PIP5K1B: variants seen among roughly 807,000 people sequenced by gnomAD.
The protein encoded by PIP5K1B is phosphatidylinositol 4-phosphate 5-kinase type-1 beta.
A neutral mutation model predicts 67.0 loss-of-function variants in PIP5K1B; 42 were observed. The observed-to-expected ratio is 0.63, with a 90% CI of 0.49 to 0.81. The LOEUF is 0.81. Ranked by LOEUF, PIP5K1B falls within the 30% of genes least tolerant of loss-of-function variation. The pLI is 0.00. For missense variants in PIP5K1B, 459 were observed against 646.3 expected, an observed-to-expected ratio of 0.71 and a Z score of 3.14; for synonymous variants, 214 against 231.4, an observed-to-expected ratio of 0.92 and a Z score of 0.68.
intron 2 of PIP5K1B, among the ~76,000 whole-genome samples, chr9:68,769,390 T>A (rs1830576761): frequency 6.6e-6 from 1 of 152,202 alleles, no homozygotes; most frequent in African/African-American, 2.4e-5. Context: ...ATATTCTACA[T>A]CTGATGGTCA....
At chr9:68,748,025 A>C (rs13299226) in intron 2 of PIP5K1B, among the ~76,000 whole-genome samples, 77,149 of 151,984 alleles carry the variant, frequency 0.51, 20,837 homozygotes, top group Middle Eastern at 0.63. Context: ...CCCCATCCTC[A>C]CTAAGCAGTC....
At position 68,748,401 on chromosome 9, in the gene PIP5K1B, T is replaced by A. The variant is rs534305407; in HGVS notation, c.-86+5744T>A. 1.2e-4 allele frequency among the ~76,000 whole-genome samples: 18 copies of A among 152,256 alleles called. No individual in the cohort carries two copies. The South Asian group carries it at 3.5e-3, about 30-fold the overall frequency. ...ACAAATGCTAAAGAAGCATGTGTAG[T>A]TATAGCTGTAATTTGCTGCATTTTA... is the stretch of plus-strand genomic sequence containing the variant. On this transcript the variant is annotated intron_variant, in intron 2 of 15. Transcript: ENST00000265382.
intron 2 of PIP5K1B, among the ~76,000 whole-genome samples, chr9:68,790,378 A>G (rs1183250998): frequency 6.6e-6 from 1 of 152,364 alleles, no homozygotes; most frequent in African/African-American, 2.4e-5. Context: ...ATGTCCCTAC[A>G]TTAGACATTT....
At position 69,008,453 on chromosome 9, in the gene PIP5K1B, A is replaced by T. The variant is rs766361992; in HGVS notation, c.*4A>T. ...GCTTTTTTGCTCCCCCCAGTAAGTGAAAATGGTGATCACCTAAGCACATGG... is the reference window on the plus strand; with the variant it reads ...GCTTTTTTGCTCCCCCCAGTAAGTGTAAATGGTGATCACCTAAGCACATGG... On this transcript the variant is annotated 3_prime_UTR_variant, in exon 16 of 16. Coordinates refer to ENST00000265382, the MANE Select transcript of PIP5K1B (RefSeq NM_003558.4). 6.2e-7 allele frequency: 1 copy of T among 1,613,766 alleles called. No homozygotes were observed. Among genetic ancestry groups the T allele is most frequent in the Admixed American group, 1.7e-5 (1 of 60,020 alleles).
At chr9:68,842,375 T>C (rs1273790537) in intron 4 of PIP5K1B, among the ~76,000 whole-genome samples, 1 of 152,232 alleles carries the variant, frequency 6.6e-6, no homozygotes, top group Non-Finnish European at 1.5e-5. Flanking sequence ...CCCAAGGTTG[T>C]TTTTTAAAAA....
At chr9:68,778,358 T>C (rs1371934351) in intron 2 of PIP5K1B, among the ~76,000 whole-genome samples, 1 of 152,226 alleles carries the variant, frequency 6.6e-6, no homozygotes, top group African/African-American at 2.4e-5. Flanking sequence ...CTTTCCACCT[T>C]GTGTTCTTCT....
intron 2 of PIP5K1B, among the ~76,000 whole-genome samples, chr9:68,799,471 C>G (rs145252952): frequency 3.1e-4 from 47 of 152,274 alleles, no homozygotes; most frequent in African/African-American, 8.9e-4. Flanking sequence ...TTGAAGGCAT[C>G]ACACTTCCTA....
chr9:68,876,548 C>T, intron 5 of PIP5K1B, 129 bp from the exon 6 acceptor site: 2 of 624,998 alleles, frequency 3.2e-6, no homozygotes. Context: ...CTTTGAGAAA[C>T]CCGCTCTCAG....
chr9:68,924,868 T>A (rs959085608), intron 12 of PIP5K1B, among the ~76,000 whole-genome samples: 11 of 151,984 alleles, frequency 7.2e-5, no homozygotes, highest in African/African-American at 2.7e-4. Flanking sequence ...AAAATGAAAA[T>A]TCTTGAAATG....
chr9:68,764,474 AT>A (rs1293374418), intron 2 of PIP5K1B, among the ~76,000 whole-genome samples: 2 of 152,068 alleles, frequency 1.3e-5, no homozygotes, highest in African/African-American at 4.8e-5. Context: ...GGAGTATAAA[AT>A]TTGTCTCATG....
intron 13 of PIP5K1B, among the ~76,000 whole-genome samples, chr9:68,935,272 G>A (rs1199018485): frequency 6.6e-6 from 1 of 152,132 alleles, no homozygotes; most frequent in Non-Finnish European, 1.5e-5. Flanking sequence ...TTCGAAACCA[G>A]CCTGGCCAAC....
At chr9:68,799,892 G>C (rs1463819634) in intron 2 of PIP5K1B, among the ~76,000 whole-genome samples, 1 of 152,076 alleles carries the variant, frequency 6.6e-6, no homozygotes, top group Admixed American at 6.5e-5. Flanking sequence ...GATAGGACTA[G>C]GACAATATCA....
chr9:68,904,680 C>T (rs979661025), intron 8 of PIP5K1B, among the ~76,000 whole-genome samples: 11 of 151,144 alleles, frequency 7.3e-5, no homozygotes, highest in African/African-American at 1.9e-4. Context: ...CAATGTGTGA[C>T]GTTGAATCCT....
chr9:68,923,140 A>ACTCCTGG (rs1462769810), intron 11 of PIP5K1B, among the ~76,000 whole-genome samples, 162 bp from the exon 12 acceptor site: 1 of 151,696 alleles, frequency 6.6e-6, no homozygotes, highest in East Asian at 1.9e-4. Flanking sequence ...TCAGCCCCAG[A>ACTCCTGG]CTCCTGGGCC....
chr9:68,938,997 A>G (rs1330497493), intron 13 of PIP5K1B, among the ~76,000 whole-genome samples: 2 of 152,234 alleles, frequency 1.3e-5, no homozygotes, highest in Admixed American at 6.5e-5. Context: ...TAGCCAACTC[A>G]GGGCAACCTG....
At chr9:68,924,168 G>A (rs1372738845) in intron 12 of PIP5K1B, among the ~76,000 whole-genome samples, 1 of 149,874 alleles carries the variant, frequency 6.7e-6, no homozygotes, top group Non-Finnish European at 1.5e-5. Context: ...TTGGGAGGCT[G>A]AGGCGGGCAG....
chr9:68,857,529 C>T lies in PIP5K1B; in HGVS notation c.70-6308C>T, dbSNP rs1324538133. 5.3e-5 allele frequency among the ~76,000 whole-genome samples: 8 copies of T among 152,052 alleles called. No individual in the cohort carries two copies. In the East Asian group the frequency reaches 7.7e-4, roughly 15 times the overall value. On this transcript the variant is annotated intron_variant, in intron 4 of 15. Transcript: ENST00000265382. ...GACTTGTTTCTTGAGTATAGGTTCA[C>T]GGAGAGGAGGGAGAACCTGGAGCTG...
intron 1 of PIP5K1B, among the ~76,000 whole-genome samples, chr9:68,737,867 A>G (rs1828814680): frequency 6.6e-6 from 1 of 152,222 alleles, no homozygotes; most frequent in African/African-American, 2.4e-5. Context: ...CAATTGTCAC[A>G]TTTTCTTTTA....
At chr9:68,789,285 T>G (rs1831821855) in intron 2 of PIP5K1B, 1 of 422,684 alleles carries the variant, frequency 2.4e-6, no homozygotes, top group Admixed American at 3.0e-5. Context: ...GATATTTGAC[T>G]CGGTAGCCAA....
Sources: gnomAD v4.1 joint callset for allele counts (sites outside exome capture counted in the v4.1 genomes callset) on GRCh38, gnomAD v4.1.1 for gene constraint, MANE v1.5 for transcripts, NCBI Gene and HGNC (gene_info 2026-07-23, HGNC 2026-07-21) for gene names.